Variants in SLC9A6 observed in about 807,000 individuals in gnomAD.
SLC9A6 encodes the protein solute carrier family 9 member A6, also known as sodium/hydrogen exchanger 6.
A neutral mutation model predicts 45.3 loss-of-function variants in SLC9A6; 6 were observed. That is an observed-to-expected ratio of 0.13 (90% confidence interval 0.07 to 0.26). The LOEUF is 0.26. Ranked by LOEUF, SLC9A6 falls within the 10% of genes least tolerant of loss-of-function variation. SLC9A6 has a pLI of 1.00. For missense variants in SLC9A6, 278 were observed against 503.7 expected (o/e 0.55, Z 4.29); for synonymous variants, 191 against 187.7 (o/e 1.02, Z -0.14).
At chrX:136,006,768 G>T (rs782645625) in intron 7 of SLC9A6, among the ~76,000 whole-genome samples, 1 of 111,230 alleles carries the variant, frequency 9.0e-6, no homozygotes, top group South Asian at 3.7e-4. Context: ...GAAAGAAGAT[G>T]TACAGAGAGA....
At chrX:135,985,919 C>T in intron 2 of SLC9A6, 92 bp downstream of exon 2, 2 of 1,037,767 alleles carry the variant, frequency 1.9e-6, no homozygotes, top group Non-Finnish European at 2.7e-6. Flanking sequence ...GCTCGGCCTA[C>T]GTTCGGCTCC....
At chrX:135,991,956 T>C (rs2089438831) in intron 2 of SLC9A6, among the ~76,000 whole-genome samples, 2 of 111,387 alleles carry the variant, frequency 1.8e-5, no homozygotes, top group South Asian at 7.7e-4. Flanking sequence ...CCTGGCGATC[T>C]CATCTACATC....
intron 11 of SLC9A6, among the ~76,000 whole-genome samples, chrX:136,017,902 G>A (rs1556619480): frequency 9.0e-6 from 1 of 111,043 alleles, no homozygotes; most frequent in Non-Finnish European, 1.9e-5. Flanking sequence ...TAGGGCCAGG[G>A]AATCCACTGC....
At chrX:136,002,033 T>C in intron 6 of SLC9A6, 75 bp from the exon 7 acceptor site, 1 of 674,220 alleles carries the variant, frequency 1.5e-6, no homozygotes, top group Non-Finnish European at 2.4e-6. Context: ...TAAATAACTC[T>C]CAGAGTCATC....
intron 9 of SLC9A6, 45 bp downstream of exon 9, chrX:136,013,099 A>T: frequency 2.1e-6 from 2 of 963,864 alleles, no homozygotes; most frequent in Non-Finnish European, 3.0e-6. Flanking sequence ...AAAAGGAGTG[A>T]CTTTGCCAGT....
chrX:135,976,871 TA>T (rs1422939311), intron 1 of SLC9A6, among the ~76,000 whole-genome samples: 1 of 112,196 alleles, frequency 8.9e-6, no homozygotes, highest in African/African-American at 3.2e-5. Context: ...ACTCTTTTTT[TA>T]CCTCTTTACC....
chrX:135,975,987 A>C (rs1444813254), intron 1 of SLC9A6, among the ~76,000 whole-genome samples: 1 of 106,983 alleles, frequency 9.3e-6, no homozygotes, highest in East Asian at 2.9e-4. Context: ...TAACCAAAAA[A>C]AAAAAAAAAA....
At chrX:136,038,621 AT>A (rs1190478445) in intron 16 of SLC9A6, among the ~76,000 whole-genome samples, 2 of 107,452 alleles carry the variant, frequency 1.9e-5, no homozygotes, top group Admixed American at 9.9e-5. Context: ...TGTTATTATT[AT>A]TTTTTTTTAA....
In SLC9A6 at chrX:136,012,921, A is replaced by G; in HGVS notation, c.886-28A>G. On this transcript the variant is annotated intron_variant, in intron 8 of 17. Transcript: ENST00000630721. ...TCTAGTCACACTTTTGTGTTACAAG[A>G]TCTCATTACTAGCCTTAACAGTCTT... 7.5e-6 allele frequency: 8 copies of G among 1,062,613 alleles called. No homozygotes were observed. The Middle Eastern group carries it at 2.0e-3, about 265-fold the overall frequency. The allele number at this position is 1,062,613 out of a possible 1,213,427, so 87.6% of individuals were successfully genotyped here. A position where few individuals can be genotyped will look rare whatever the true frequency, so the allele number is the denominator to read the frequency against.
At position 136,009,647 on chromosome X, in the gene SLC9A6, G is replaced by A. The variant is rs113429910; in HGVS notation, c.744-795G>A. On this transcript the variant is annotated intron_variant, in intron 7 of 17. Transcript: ENST00000630721. ...AAGCACCGTTGCCAAAGACCTGCTG[G>A]CAACAGCAATTTTCTCAGGCATTTC... 1.6e-3 allele frequency among the ~76,000 whole-genome samples: 176 copies of A among 112,421 alleles called. 3 individuals are homozygous for A. The East Asian group carries it at 0.033, about 21-fold the overall frequency.
chrX:135,982,167 G>A (rs2089288321), upstream of SLC9A6, among the ~76,000 whole-genome samples: 1 of 111,462 alleles, frequency 9.0e-6, no homozygotes, highest in African/African-American at 3.3e-5. Context: ...TCAGACTGTA[G>A]TCTGATTTTT....
chrX:135,988,526 TTC>T (rs781829777), intron 2 of SLC9A6, among the ~76,000 whole-genome samples: 1 of 106,812 alleles, frequency 9.4e-6, no homozygotes, highest in Non-Finnish European at 1.9e-5. Flanking sequence ...CTCTCTTTCT[TTC>T]TCTCTCTTTC....
chrX:135,974,030 A>G (rs1603177952), upstream of SLC9A6: 1 of 418,394 alleles, frequency 2.4e-6, no homozygotes, highest in Non-Finnish European at 3.5e-6. Context: ...TGGCGAGAAC[A>G]GGGTGGGGCA....
intron 14 of SLC9A6, chrX:136,029,293 G>A (rs1556620836): frequency 8.3e-6 from 1 of 120,858 alleles, no homozygotes; most frequent in East Asian, 2.4e-4. Flanking sequence ...CTAGTTTGTA[G>A]AGAGTCTTGA....
intron 12 of SLC9A6, 48 bp from the exon 13 acceptor site, chrX:136,024,282 G>C: frequency 8.5e-7 from 1 of 1,176,310 alleles, no homozygotes; most frequent in South Asian, 1.8e-5. Context: ...TATGAAGCTT[G>C]CATTGGTAAT....
chrX:135,994,883 C>A lies in SLC9A6; in HGVS notation c.267C>A (p.Thr89=). The A allele has an allele frequency of 8.3e-7, 1 of 1,207,469 alleles. No homozygotes were observed. The highest frequency in any genetic ancestry group is 2.2e-5 in the Admixed American group (1 of 45,987). ...GTGAAGTGCAGTCAAGTCCAACTACCTTACTGGTAAATGTTAGTGGAAAAT... is the reference window on the plus strand; with the variant it reads ...GTGAAGTGCAGTCAAGTCCAACTACATTACTGGTAAATGTTAGTGGAAAAT... The part of the protein sequence containing the change: ...LSCEVQSSPT[T]LLVNVSGKFY... Residue 89 remains threonine, a synonymous_variant, in exon 3 of 18, where the codon ACC becomes ACA. Coordinates refer to ENST00000630721, the MANE Select transcript of SLC9A6 (RefSeq NM_001379110.1).
chrX:135,997,017 T>C (rs5930844), intron 3 of SLC9A6, among the ~76,000 whole-genome samples: 5,182 of 110,607 alleles, frequency 0.047, 142 homozygotes, highest in Non-Finnish European at 0.064. Context: ...CCGCCCGCCT[T>C]GGCCTCCCAA....
chrX:135,997,779 G>A (rs939076647), intron 3 of SLC9A6, among the ~76,000 whole-genome samples: 4 of 110,626 alleles, frequency 3.6e-5, no homozygotes, highest in African/African-American at 1.3e-4. Flanking sequence ...AGGCTGGAGT[G>A]CAGTGGTGCA....
intron 17 of SLC9A6, among the ~76,000 whole-genome samples, chrX:136,044,146 A>C (rs1264712591): frequency 8.9e-6 from 1 of 111,763 alleles, no homozygotes; most frequent in Non-Finnish European, 1.9e-5. Flanking sequence ...ATTTGAAGGG[A>C]AAGAGGGGTC....
Sources: gnomAD v4.1 joint callset for allele counts (sites outside exome capture counted in the v4.1 genomes callset) on GRCh38, gnomAD v4.1.1 for gene constraint, MANE v1.5 for transcripts, NCBI Gene and HGNC (gene_info 2026-07-23, HGNC 2026-07-21) for gene names.